The following STK4 variants were observed in gnomAD, a reference collection of about 807,000 sequenced individuals.
STK4 encodes the protein serine/threonine kinase 4.
STK4 carries 30 observed loss-of-function variants against 64.9 expected under a neutral mutation model. The observed-to-expected ratio is 0.46, with a 90% CI of 0.35 to 0.63. STK4 has a LOEUF of 0.63. Among genes scored for constraint, STK4 ranks in the 20% least tolerant of loss-of-function variants. STK4 has a pLI of 0.01. For missense variants in STK4, 466 were observed against 598.5 expected (o/e 0.78, Z 2.31); for synonymous variants, 177 against 199.0 (o/e 0.89, Z 0.93).
At chr20:44,966,790 G>A (rs1229416361) in intron 1 of STK4, among the ~76,000 whole-genome samples, 187 bp downstream of exon 1, 2 of 152,172 alleles carry the variant, frequency 1.3e-5, no homozygotes, top group African/African-American at 4.8e-5. Flanking sequence ...TGCTAAGGAG[G>A]TTAGACTTGG....
At chr20:45,052,973 A>G (rs1978296393) in intron 10 of STK4, 4 of 749,776 alleles carry the variant, frequency 5.3e-6, no homozygotes, top group Non-Finnish European at 8.9e-6. Flanking sequence ...GACAGGGTAC[A>G]CTATTTTTGT....
In STK4 at chr20:45,000,545, C is replaced by T. The variant is rs534296661; in HGVS notation, c.960+25C>T. ...AGTGAGTGGCAGCCGTTGCTGTGGG[C>T]CTCAGACATTGATGCTTGTTATTTT... On this transcript the variant is annotated intron_variant, in intron 8 of 10. Coordinates refer to ENST00000372806, the MANE Select transcript of STK4 (RefSeq NM_006282.5). 31 of 1,613,064 alleles carry T rather than the reference C, an allele frequency of 1.9e-5. No individual in the cohort carries two copies. The South Asian group carries it at 3.0e-4, about 15-fold the overall frequency.
intron 9 of STK4, among the ~76,000 whole-genome samples, chr20:45,014,265 A>C (rs1216857403): frequency 1.3e-5 from 2 of 151,294 alleles, no homozygotes; most frequent in Admixed American, 6.6e-5. Flanking sequence ...TCTCTACTAA[A>C]AATACAAAAA....
intron 10 of STK4, among the ~76,000 whole-genome samples, chr20:45,069,156 G>A (rs1239271095): frequency 4.6e-5 from 7 of 152,176 alleles, no homozygotes; most frequent in Admixed American, 2.6e-4. Flanking sequence ...CTCGGAGCCC[G>A]TCCTCTTCCT....
intron 10 of STK4, among the ~76,000 whole-genome samples, chr20:45,056,686 T>C (rs1475528245): frequency 6.6e-6 from 1 of 152,210 alleles, no homozygotes; most frequent in Non-Finnish European, 1.5e-5. Flanking sequence ...GCACGCTTCC[T>C]CCTGTAGCAG....
At chr20:44,985,891 C>T (rs936371062) in intron 4 of STK4, among the ~76,000 whole-genome samples, 1 of 152,198 alleles carries the variant, frequency 6.6e-6, no homozygotes, top group Admixed American at 6.5e-5. Context: ...TGCACCAGAG[C>T]ACACTCCATT....
chr20:45,039,378 A>T (rs1025763127), intron 10 of STK4, among the ~76,000 whole-genome samples: 1 of 152,138 alleles, frequency 6.6e-6, no homozygotes, highest in Admixed American at 6.6e-5. Flanking sequence ...AGCTAAGTGT[A>T]GGGAAGTTGT....
chr20:45,064,114 G>GGGGGGTCCAGTTT (rs1307917123), intron 10 of STK4, among the ~76,000 whole-genome samples: 1 of 152,060 alleles, frequency 6.6e-6, no homozygotes, highest in Admixed American at 6.6e-5. Context: ...GGCCAAGGGG[G>GGGGGGTCCAGTTT]GGGGTCCAGT....
intron 10 of STK4, among the ~76,000 whole-genome samples, chr20:45,044,318 A>C (rs1363900443): frequency 6.6e-6 from 1 of 152,154 alleles, no homozygotes; most frequent in South Asian, 2.1e-4. Flanking sequence ...CTGGCTATGT[A>C]AAATGAATGA....
At chr20:44,968,715 A>G (rs2067195899) in intron 1 of STK4, among the ~76,000 whole-genome samples, 1 of 152,214 alleles carries the variant, frequency 6.6e-6, no homozygotes, top group Admixed American at 6.5e-5. Context: ...TGGCATGCTC[A>G]TTCCTGTACC....
At chr20:45,065,334 C>T (rs1473342396) in intron 10 of STK4, among the ~76,000 whole-genome samples, 3 of 151,874 alleles carry the variant, frequency 2.0e-5, no homozygotes, top group Non-Finnish European at 2.9e-5. Flanking sequence ...TTTTATGTGC[C>T]GCTGGATTCG....
intron 10 of STK4, among the ~76,000 whole-genome samples, chr20:45,057,354 T>G (rs540533076): frequency 6.6e-6 from 1 of 152,322 alleles, no homozygotes; most frequent in South Asian, 2.1e-4. Context: ...GGTAACACAC[T>G]ATCCCTATTC....
intron 4 of STK4, among the ~76,000 whole-genome samples, chr20:44,982,210 G>A (rs961038968): frequency 6.7e-5 from 10 of 150,094 alleles, no homozygotes; most frequent in Non-Finnish European, 1.3e-4. Flanking sequence ...TCTACCTCCT[G>A]GGCTTCAGTG....
At chr20:45,049,661 CA>C (rs1321579397) in intron 10 of STK4, among the ~76,000 whole-genome samples, 1 of 152,172 alleles carries the variant, frequency 6.6e-6, no homozygotes, top group Non-Finnish European at 1.5e-5. Context: ...GGATGTTTAA[CA>C]ATGGTACTGT....
chr20:45,054,578 C>A (rs77210136), intron 10 of STK4, among the ~76,000 whole-genome samples: 4,923 of 61,218 alleles, frequency 0.08, no homozygotes, highest in Non-Finnish European at 0.088. Context: ...TTTTTTTTTT[C>A]AAAAAAAAAA....
intron 8 of STK4, 61 bp from the exon 9 acceptor site, chr20:45,001,106 T>C (rs2145697019): frequency 6.5e-7 from 1 of 1,528,896 alleles, no homozygotes; most frequent in Non-Finnish European, 8.9e-7. Flanking sequence ...GTAGTAGTTA[T>C]TCAGAAAACT....
At position 45,048,667 on chromosome 20, in the gene STK4, A is replaced by T. The variant is rs555932155; in HGVS notation, c.1305+23537A>T. Among the ~76,000 whole-genome samples the T allele has an allele frequency of 8.5e-5, 13 of 152,188 alleles. No homozygotes were observed. In the East Asian group the frequency reaches 2.5e-3, roughly 29 times the overall value. ...CGGCTAATTTTTGTATTTTTAGTAG[A>T]GACGGGGTTTCACCATGTTGGCCAG... On this transcript the variant is annotated intron_variant, in intron 10 of 10. Transcript: ENST00000372806.
intron 2 of STK4, among the ~76,000 whole-genome samples, chr20:44,976,028 AAAAGATC>A (rs771194077): frequency 6.6e-6 from 1 of 152,248 alleles, no homozygotes; most frequent in Non-Finnish European, 1.5e-5. Context: ...ACAATTTTCA[AAAAGATC>A]AAGGAGGAGA....
chr20:44,968,173 T>A (rs1210105279), intron 1 of STK4, among the ~76,000 whole-genome samples: 3 of 151,930 alleles, frequency 2.0e-5, no homozygotes, highest in Non-Finnish European at 4.4e-5. Flanking sequence ...AGTCTCACTC[T>A]GTCGCCCAGT....
Sources: gnomAD v4.1 joint callset for allele counts (sites outside exome capture counted in the v4.1 genomes callset) on GRCh38, gnomAD v4.1.1 for gene constraint, MANE v1.5 for transcripts, NCBI Gene and HGNC (gene_info 2026-07-23, HGNC 2026-07-21) for gene names.